Variants in ANKRD36B observed in about 807,000 individuals in gnomAD.
ANKRD36B encodes ankyrin repeat domain 36B, also known as ankyrin repeat domain-containing protein 36B.
A neutral mutation model predicts 135.7 loss-of-function variants in ANKRD36B; 37 were observed. The ratio of observed to expected loss-of-function variants is 0.27; its 90% confidence interval spans 0.21 to 0.36. The LOEUF (loss-of-function observed/expected upper bound fraction) is 0.36, where lower values mean the gene tolerates loss of function less well. ANKRD36B is among the 10% of genes least tolerant of loss of function. The pLI is 1.00. For synonymous variants in ANKRD36B, 179 were observed against 348.1 expected, an observed-to-expected ratio of 0.51 and a Z score of 5.41; for missense variants, 549 against 1,037.1, an observed-to-expected ratio of 0.53 and a Z score of 6.46.
In ANKRD36B at chr2:97,585,418, T is replaced by C. The variant is rs775148668; in HGVS notation, c.162-20A>G. The C allele has an allele frequency of 7.3e-5, 114 of 1,552,794 alleles. 2 individuals are homozygous for C. In the South Asian group the frequency reaches 1.3e-3, roughly 18 times the overall value. Reference sequence around the variant, plus strand: ...GCAGTCCTGTGAGAGTGACAGGACTTTTTAAAACATGTAACTGTAAGCATT... The same window carrying C: ...GCAGTCCTGTGAGAGTGACAGGACTCTTTAAAACATGTAACTGTAAGCATT... On this transcript the variant is annotated intron_variant, in intron 1 of 43. Transcript: ENST00000359901.
intron 22 of ANKRD36B, 122 bp downstream of exon 22, chr2:97,547,414 G>C (rs1317467169): frequency 9.0e-7 from 1 of 1,108,124 alleles, no homozygotes; most frequent in Non-Finnish European, 1.3e-6. Context: ...TTGAAATGAA[G>C]AATCTCAGGA....
In ANKRD36B at chr2:97,535,021, A is replaced by G. The variant is rs1185966433; in HGVS notation, c.2191+1279T>C. 8.3e-5 allele frequency among the ~76,000 whole-genome samples: 8 copies of G among 96,368 alleles called. 2 individuals carry two copies. The highest frequency in any genetic ancestry group is 7.4e-4 in the Admixed American group (8 of 10,742). 63.2% of individuals were successfully genotyped at this position (96,368 alleles called of 152,430 possible). A position where few individuals can be genotyped will look rare whatever the true frequency, so the allele number is the denominator to read the frequency against. On this transcript the variant is annotated intron_variant, in intron 34 of 43. Transcript: ENST00000359901. ...ATAAGATCCTCTCATTCGCAATGACATGGATGGAACAGGAGGACATTATGT... is the reference window on the plus strand; with the variant it reads ...ATAAGATCCTCTCATTCGCAATGACGTGGATGGAACAGGAGGACATTATGT...
chr2:97,565,493 A>C (rs1644812091), intron 6 of ANKRD36B, among the ~76,000 whole-genome samples: 1 of 152,230 alleles, frequency 6.6e-6, no homozygotes. Context: ...AGGAACTTAA[A>C]TAAATTTACA....
Position 97,589,602 on chromosome 2 carries a change from G to T in ANKRD36B, c.84C>A (p.Val28=). The T allele has an allele frequency of 1.2e-6, 2 of 1,614,092 alleles. No individual in the cohort carries two copies. Among genetic ancestry groups the T allele is most frequent in the Non-Finnish European group, 1.7e-6 (2 of 1,179,998 alleles). Residue 28 remains valine, a synonymous_variant, in exon 1 of 44, where the codon GTC becomes GTA. Transcript: ENST00000359901. ...TCAGTTTCTCCAGATTACCACGTAA[G>T]ACAGCTCTGTGGATCCTCTTCAGAT... is the stretch of plus-strand genomic sequence containing the variant. ...PYHLKRIHRA[V]LRGNLEKLKY... is the part of the protein sequence containing the mutation.
chr2:97,578,694 A>G (rs557231695), intron 5 of ANKRD36B, among the ~76,000 whole-genome samples: 9 of 152,208 alleles, frequency 5.9e-5, no homozygotes, highest in Admixed American at 5.9e-4. Context: ...CAATATCAAG[A>G]ATCTTGCACC....
intron 7 of ANKRD36B, 42 bp downstream of exon 7, chr2:97,560,790 T>C (rs1157571429): frequency 1.3e-6 from 2 of 1,588,704 alleles, no homozygotes; most frequent in East Asian, 4.5e-5. Flanking sequence ...TTTCATAGAC[T>C]ATACAGTTAA....
intron 6 of ANKRD36B, among the ~76,000 whole-genome samples, chr2:97,568,827 T>C (rs1229336791): frequency 1.3e-5 from 2 of 152,160 alleles, no homozygotes; most frequent in African/African-American, 4.8e-5. Context: ...TTTGTCACTA[T>C]ATGTAAACAA....
chr2:97,589,784 T>G lies in ANKRD36B; in HGVS notation c.-99A>C. The G allele has an allele frequency of 1.3e-6, 2 of 1,572,830 alleles. No individual in the cohort carries two copies. Among genetic ancestry groups the G allele is most frequent in the Admixed American group, 1.8e-5 (1 of 56,252 alleles). On this transcript the variant is annotated 5_prime_UTR_variant, in exon 1 of 44. Coordinates refer to ENST00000359901, the MANE Select transcript of ANKRD36B (RefSeq NM_001393939.1). ...CAGCTCGCCTTCGGGGATCGCCGCC[T>G]CCGAAGAGCAACAACAGGCAAAGCA...
intron 14 of ANKRD36B, 108 bp downstream of exon 14, chr2:97,554,952 G>A: frequency 7.2e-7 from 1 of 1,384,882 alleles, no homozygotes; most frequent in Admixed American, 2.0e-5. Flanking sequence ...CTGGCCTGCT[G>A]AATCAGAATG....
At chr2:97,547,464 A>T (rs12993579) in intron 22 of ANKRD36B, 72 bp downstream of exon 22, 854,556 of 1,413,526 alleles carry the variant, frequency 0.6, 271,907 homozygotes, top group Non-Finnish European at 0.66. Context: ...AGCCCCCCGC[A>T]GATTTATTCA....
intron 8 of ANKRD36B, among the ~76,000 whole-genome samples, chr2:97,559,658 G>A (rs369842031): frequency 2.6e-5 from 4 of 151,806 alleles, no homozygotes; most frequent in Admixed American, 6.6e-5. Flanking sequence ...AAACGATAAT[G>A]TATTAGCCTC....
At chr2:97,583,629 GT>G (rs2082763946) in intron 3 of ANKRD36B, among the ~76,000 whole-genome samples, 2 of 99,626 alleles carry the variant, frequency 2.0e-5, no homozygotes, top group Non-Finnish European at 4.1e-5. Context: ...ATGTTTTATT[GT>G]TGTTGTTGTT....
At chr2:97,578,777 T>C (rs559470842) in intron 5 of ANKRD36B, 129 bp downstream of exon 5, 13 of 1,233,780 alleles carry the variant, frequency 1.1e-5, no homozygotes, top group South Asian at 2.2e-5. Context: ...ACTTAAAAAC[T>C]TGAAAATTTG....
intron 4 of ANKRD36B, among the ~76,000 whole-genome samples, chr2:97,579,710 A>G (rs1260061158): frequency 2.6e-5 from 3 of 117,138 alleles, no homozygotes; most frequent in South Asian, 4.6e-4. Flanking sequence ...GATGTTAGTT[A>G]CATTATATTC....
chr2:97,557,808 C>T (rs1471383584), intron 10 of ANKRD36B, among the ~76,000 whole-genome samples: 4 of 151,846 alleles, frequency 2.6e-5, no homozygotes, highest in South Asian at 2.1e-4. Flanking sequence ...AAATATAATA[C>T]ATAAACCTTA....
intron 14 of ANKRD36B, among the ~76,000 whole-genome samples, chr2:97,554,342 C>A (rs533928529): frequency 1.3e-5 from 2 of 152,042 alleles, no homozygotes; most frequent in African/African-American, 4.8e-5. Flanking sequence ...TCAAGTTTAT[C>A]TAATTTTTAT....
intron 6 of ANKRD36B, among the ~76,000 whole-genome samples, chr2:97,564,362 A>G (rs1441822434): frequency 6.6e-6 from 1 of 151,970 alleles, no homozygotes; most frequent in Non-Finnish European, 1.5e-5. Context: ...ATAAAACTGC[A>G]CACAAGTTCT....
In ANKRD36B at chr2:97,544,390, T is replaced by C. The variant is rs1228762774; in HGVS notation, c.1682-405A>G. ...GAAATCACAAGGATTTACACCATTA[T>C]AGTACAAACATTCATCATGCTCTTT... On this transcript the variant is annotated intron_variant, in intron 24 of 43. Coordinates refer to ENST00000359901, the MANE Select transcript of ANKRD36B (RefSeq NM_001393939.1). Among the ~76,000 whole-genome samples, 5 of 95,100 alleles carry C rather than the reference T, an allele frequency of 5.3e-5. 2 individuals carry two copies. Among genetic ancestry groups the C allele is most frequent in the Non-Finnish European group, 1.4e-4 (5 of 35,592 alleles). 62.4% of individuals were successfully genotyped at this position (95,100 alleles called of 152,430 possible). A position where few individuals can be genotyped will look rare whatever the true frequency, so the allele number is the denominator to read the frequency against.
chr2:97,579,423 G>T (rs1226485763), intron 4 of ANKRD36B, among the ~76,000 whole-genome samples: 1 of 145,248 alleles, frequency 6.9e-6, no homozygotes. Context: ...AGAGCTATCT[G>T]CAGGCTTAAA....
Sources: gnomAD v4.1 joint callset for allele counts (sites outside exome capture counted in the v4.1 genomes callset) on GRCh38, gnomAD v4.1.1 for gene constraint, MANE v1.5 for transcripts, NCBI Gene and HGNC (gene_info 2026-07-23, HGNC 2026-07-21) for gene names.